The following MALRD1 variants were observed in gnomAD, a reference collection of about 807,000 sequenced individuals.
MALRD1 encodes the protein MAM and LDL receptor class A domain containing 1.
A neutral mutation model predicts 242.1 loss-of-function variants in MALRD1; 247 were observed. That is an observed-to-expected ratio of 1.02 (90% CI 0.92 to 1.13). The LOEUF is 1.13. MALRD1 is among the 50% of genes most tolerant of loss of function. MALRD1 has a pLI of 0.00. For synonymous variants in MALRD1, 995 were observed against 866.6 expected (o/e 1.15, Z -2.60); for missense variants, 2,989 against 2,533.1 (o/e 1.18, Z -3.86).
chr10:19,424,808 C>T (rs931915415), intron 28 of MALRD1, among the ~76,000 whole-genome samples: 6 of 151,974 alleles, frequency 3.9e-5, no homozygotes, highest in African/African-American at 1.4e-4. Context: ...AGAATCCTGA[C>T]CTGAATTTGC....
rs532377509 is a variant in MALRD1, at chr10:19,566,605, G to GA, written c.5479-890dup. Among the ~76,000 whole-genome samples the GA allele has an allele frequency of 1.0e-3, 156 of 150,362 alleles. No individual in the cohort carries two copies. The South Asian group carries it at 0.021, about 20-fold the overall frequency. On this transcript the variant is annotated intron_variant, in intron 32 of 39. Transcript: ENST00000454679. Reference sequence around the variant, plus strand: ...TCTCTGGGTCTTATTTTTCCCATGTGAAAAAAAGGGTTGTATAACTGATGC... The same window carrying GA: ...TCTCTGGGTCTTATTTTTCCCATGTGAAAAAAAAGGGTTGTATAACTGATGC...
At chr10:19,133,666 A>G (rs1186390588) in intron 8 of MALRD1, among the ~76,000 whole-genome samples, 190 bp from the exon 9 acceptor site, 1 of 152,126 alleles carries the variant, frequency 6.6e-6, no homozygotes, top group Non-Finnish European at 1.5e-5. Flanking sequence ...TACTACATAA[A>G]CATGCTTCAT....
chr10:19,339,353 G>C (rs1388626462), intron 24 of MALRD1, among the ~76,000 whole-genome samples: 2 of 151,930 alleles, frequency 1.3e-5, no homozygotes, highest in African/African-American at 2.4e-5. Context: ...TTTTCTCGTG[G>C]CATCTTATCA....
chr10:19,381,711 C>T (rs994050126), intron 26 of MALRD1, among the ~76,000 whole-genome samples: 5 of 151,022 alleles, frequency 3.3e-5, no homozygotes, highest in South Asian at 2.1e-4. Flanking sequence ...TGGTTCCGGG[C>T]ACCTGTAATC....
chr10:19,482,700 A>ACACAC (rs1837054058), intron 29 of MALRD1, among the ~76,000 whole-genome samples: 5 of 113,346 alleles, frequency 4.4e-5, no homozygotes, highest in South Asian at 3.0e-4. Flanking sequence ...CATACACACA[A>ACACAC]AGCAAAAAAT....
At chr10:19,277,231 A>G (rs1840574612) in intron 19 of MALRD1, among the ~76,000 whole-genome samples, 1 of 152,032 alleles carries the variant, frequency 6.6e-6, no homozygotes, top group Non-Finnish European at 1.5e-5. Context: ...TGGTGAGAAA[A>G]TATTTCTTAT....
chr10:19,182,450 G>C (rs561223206), intron 14 of MALRD1, among the ~76,000 whole-genome samples: 150 of 144,280 alleles, frequency 1.0e-3, no homozygotes, highest in African/African-American at 3.7e-3. Flanking sequence ...TCAGCCTCCC[G>C]AGTATCTGGG....
chr10:19,217,378 A>G (rs1001340584), intron 18 of MALRD1, among the ~76,000 whole-genome samples: 4 of 152,206 alleles, frequency 2.6e-5, no homozygotes, highest in Admixed American at 2.0e-4. Flanking sequence ...CCCCTGAAAC[A>G]TGCTTGGAAA....
At chr10:19,104,900 T>G (rs1359827500) in intron 5 of MALRD1, among the ~76,000 whole-genome samples, 1 of 152,100 alleles carries the variant, frequency 6.6e-6, no homozygotes, top group Non-Finnish European at 1.5e-5. Flanking sequence ...TATTTTTAAT[T>G]GACACATAAT....
intron 29 of MALRD1, chr10:19,489,035 C>G (rs1837356088): frequency 2.2e-6 from 1 of 457,068 alleles, no homozygotes; most frequent in African/African-American, 2.0e-5. Flanking sequence ...GGGGTCTCAG[C>G]AGCTCGGAGG....
intron 28 of MALRD1, among the ~76,000 whole-genome samples, chr10:19,403,479 C>T (rs999346338): frequency 6.6e-6 from 1 of 152,082 alleles, no homozygotes; most frequent in Non-Finnish European, 1.5e-5. Flanking sequence ...TTGCTTTGCC[C>T]TCTTTTATGC....
At chr10:19,384,594 TATA>T (rs1427414498) in intron 26 of MALRD1, among the ~76,000 whole-genome samples, 1 of 127,462 alleles carries the variant, frequency 7.8e-6, no homozygotes, top group African/African-American at 3.0e-5. Context: ...CTATATATTA[TATA>T]ATATATAGTA....
intron 33 of MALRD1, among the ~76,000 whole-genome samples, chr10:19,582,388 T>C (rs942114482): frequency 6.8e-6 from 1 of 147,496 alleles, no homozygotes; most frequent in Non-Finnish European, 1.5e-5. Flanking sequence ...CCATCTTGAA[T>C]TGATTTTTGT....
chr10:19,355,858 T>TATATATATATA (rs57813656), intron 26 of MALRD1, among the ~76,000 whole-genome samples: 10,213 of 94,558 alleles, frequency 0.11, 1,230 homozygotes, highest in Non-Finnish European at 0.14. Flanking sequence ...TATATATATA[T>TATATATATATA]TATATATGAT....
intron 36 of MALRD1, among the ~76,000 whole-genome samples, chr10:19,649,577 G>A (rs768442845): frequency 6.6e-6 from 1 of 152,050 alleles, no homozygotes; most frequent in Non-Finnish European, 1.5e-5. Context: ...TTTTAATGGA[G>A]TTGTTTTTCT....
intron 38 of MALRD1, among the ~76,000 whole-genome samples, chr10:19,705,062 A>T (rs774279864): frequency 2.6e-4 from 40 of 152,156 alleles, no homozygotes; most frequent in South Asian, 4.1e-4. Context: ...ATTGTTTGAG[A>T]TTCTTGAATG....
chr10:19,224,417 G>A (rs892839499), intron 18 of MALRD1, among the ~76,000 whole-genome samples: 3 of 151,796 alleles, frequency 2.0e-5, no homozygotes, highest in Non-Finnish European at 4.4e-5. Context: ...CTCTTGAGTA[G>A]CTGGGATTAC....
chr10:19,175,308 G>A lies in MALRD1; in HGVS notation c.1931G>A (p.Arg644Lys), dbSNP rs1467296089. The change falls in exon 14 of 40, where the codon AGG becomes AAG. Residue 644 changes from arginine (R) to lysine (K), a missense_variant. Coordinates refer to ENST00000454679, the MANE Select transcript of MALRD1 (RefSeq NM_001142308.3). ...ECEISYKSLP[R>K]TSTQSKFSKC... is the part of the protein sequence containing the mutation. ...GAAATTTCCTATAAATCACTACCAA[G>A]GACCAGTACACAAAGCAAGTGTAAG... 2 of 1,230,428 alleles carry A rather than the reference G, an allele frequency of 1.6e-6. No homozygotes were observed. The highest frequency in any genetic ancestry group is 2.0e-6 in the Non-Finnish European group (2 of 987,242). The allele number at this position is 1,230,428 out of a possible 1,614,324, so 76.2% of individuals were successfully genotyped here.
rs181044716 is a variant in MALRD1, at chr10:19,404,595, T to C, written c.4845+14986T>C. 2.9e-3 allele frequency among the ~76,000 whole-genome samples: 434 copies of C among 152,202 alleles called. 2 individuals are homozygous for C. The highest frequency in any genetic ancestry group is 0.01 in the African/African-American group (426 of 41,564). On this transcript the variant is annotated intron_variant, in intron 28 of 39. Coordinates refer to ENST00000454679, the MANE Select transcript of MALRD1 (RefSeq NM_001142308.3). Reference sequence around the variant, plus strand: ...ATTAATGTAAATATAGCCAGATCATTGAGTAGGAAAACAATCAATGGTGGC... The same window carrying C: ...ATTAATGTAAATATAGCCAGATCATCGAGTAGGAAAACAATCAATGGTGGC...
Sources: gnomAD v4.1 joint callset for allele counts (sites outside exome capture counted in the v4.1 genomes callset) on GRCh38, gnomAD v4.1.1 for gene constraint, MANE v1.5 for transcripts, NCBI Gene and HGNC (gene_info 2026-07-23, HGNC 2026-07-21) for gene names.